The following MACF1 variants were observed in gnomAD, a reference collection of about 807,000 sequenced individuals.
The protein encoded by MACF1 is microtubule actin crosslinking factor 1, also known as microtubule-actin cross-linking factor 1.
In MACF1, 193 loss-of-function variants were observed where a neutral mutation model predicts 854.8. The observed-to-expected ratio is 0.23, with a 90% confidence interval of 0.20 to 0.25. The LOEUF is 0.25. Ranked by LOEUF, MACF1 falls within the 10% of genes least tolerant of loss-of-function variation. The probability of loss-of-function intolerance (pLI) is 1.00; values close to 1 mark genes in which losing one functional copy is unlikely to be tolerated. For synonymous variants in MACF1, 3,185 were observed against 3,226.7 expected (o/e 0.99, Z 0.44); for missense variants, 7,722 against 8,929.1 (o/e 0.86, Z 5.45).
At chr1:39,286,010 A>T (rs548716891) in intron 14 of MACF1, among the ~76,000 whole-genome samples, 8 of 152,140 alleles carry the variant, frequency 5.3e-5, no homozygotes, top group Non-Finnish European at 7.4e-5. Flanking sequence ...AACATCCCAC[A>T]TACTTTATTT....
rs1646257094 is a variant in MACF1, at chr1:39,309,510, G to T, written c.2790-60G>T. On this transcript the variant is annotated intron_variant, in intron 23 of 100. Coordinates refer to ENST00000564288, the MANE Select transcript of MACF1 (RefSeq NM_001394062.1). Reference sequence around the variant, plus strand: ...AGGCAATCACATTTTTCCTTAGAAGGTCTCTAATGTGGAGCTGAAGTCTTA... The same window carrying T: ...AGGCAATCACATTTTTCCTTAGAAGTTCTCTAATGTGGAGCTGAAGTCTTA... 8.8e-6 allele frequency: 14 copies of T among 1,594,972 alleles called. No individual in the cohort carries two copies. The South Asian group carries it at 1.4e-4, about 15-fold the overall frequency.
intron 2 of MACF1, among the ~76,000 whole-genome samples, chr1:39,235,815 G>T (rs897190713): frequency 6.6e-6 from 1 of 152,140 alleles, no homozygotes; most frequent in African/African-American, 2.4e-5. Flanking sequence ...GCTCACTACA[G>T]CCTCCAACTC....
intron 58 of MACF1, chr1:39,413,234 C>G: frequency 1.2e-6 from 2 of 1,612,996 alleles, no homozygotes; most frequent in Non-Finnish European, 1.7e-6. Flanking sequence ...CCTGATACTG[C>G]AGCTGTCAGA....
At chr1:39,357,951 G>C (rs2148512823) in intron 45 of MACF1, 58 bp downstream of exon 45, 1 of 1,518,490 alleles carries the variant, frequency 6.6e-7, no homozygotes, top group East Asian at 2.3e-5. Context: ...TTCACACAAT[G>C]TAGGTAGTGT....
At chr1:39,298,503 C>T (rs1043567668) in intron 21 of MACF1, among the ~76,000 whole-genome samples, 2 of 152,308 alleles carry the variant, frequency 1.3e-5, no homozygotes, top group Non-Finnish European at 2.9e-5. Context: ...CAATAGGGAA[C>T]TTACTTTTCC....
intron 85 of MACF1, among the ~76,000 whole-genome samples, chr1:39,451,457 T>C: frequency 6.6e-6 from 1 of 152,216 alleles, no homozygotes; most frequent in South Asian, 2.1e-4. Context: ...TCTTCCTGTT[T>C]GTTTCTCTCA....
At position 39,323,981 on chromosome 1, in the gene MACF1, AG is replaced by A. The variant is rs367689283; in HGVS notation, c.4237-210del. ...AAACAGTGGTTTGTATTTTTCAGAAAGGTATTAAACCTAGGTATAATAAATT... is the reference window on the plus strand; with the variant it reads ...AAACAGTGGTTTGTATTTTTCAGAAAGTATTAAACCTAGGTATAATAAATT... On this transcript the variant is annotated intron_variant, in intron 33 of 100. Coordinates refer to ENST00000564288, the MANE Select transcript of MACF1 (RefSeq NM_001394062.1). Among the ~76,000 whole-genome samples the A allele has an allele frequency of 2.4e-4, 37 of 152,318 alleles. No homozygotes were observed. In the East Asian group the frequency reaches 4.4e-3, roughly 18 times the overall value.
chr1:39,285,491 A>G (rs1181450110), intron 13 of MACF1, 101 bp downstream of exon 13: 4 of 1,395,152 alleles, frequency 2.9e-6, no homozygotes, highest in Non-Finnish European at 4.0e-6. Flanking sequence ...ATCCAGATGT[A>G]TTATTTCCCT....
At chr1:39,229,345 G>A (rs1317344998) in intron 1 of MACF1, among the ~76,000 whole-genome samples, 1 of 152,128 alleles carries the variant, frequency 6.6e-6, no homozygotes. Flanking sequence ...CTTATTGAAT[G>A]GCTATAAACT....
intron 16 of MACF1, 88 bp downstream of exon 16, chr1:39,292,126 A>AG: frequency 6.8e-7 from 1 of 1,465,264 alleles, no homozygotes; most frequent in East Asian, 2.3e-5. Flanking sequence ...GTATTGAAGG[A>AG]GGAGGGTGCT....
chr1:39,465,761 T>C (rs1474340465), intron 95 of MACF1, among the ~76,000 whole-genome samples: 1 of 152,180 alleles, frequency 6.6e-6, no homozygotes, highest in African/African-American at 2.4e-5. Flanking sequence ...GGAAGGAAGT[T>C]GCATGAGTAA....
chr1:39,170,078 G>A (rs1643927796), intron 2 of MACF1, among the ~76,000 whole-genome samples: 1 of 150,984 alleles, frequency 6.6e-6, no homozygotes. Context: ...ACCGTGCCCA[G>A]CCTCTCCTTG....
intron 96 of MACF1, 58 bp from the exon 97 acceptor site, chr1:39,469,489 T>G: frequency 7.7e-7 from 1 of 1,300,838 alleles, no homozygotes; most frequent in Non-Finnish European, 1.1e-6. Flanking sequence ...CTTTCTTGAC[T>G]AGTTTCTGCG....
chr1:39,233,938 C>T (rs1211451780), intron 2 of MACF1, among the ~76,000 whole-genome samples: 4 of 145,134 alleles, frequency 2.8e-5, no homozygotes, highest in African/African-American at 1.0e-4. Context: ...ACCCTGCGGC[C>T]TTCCGCAGTG....
At chr1:39,414,537 G>T in intron 58 of MACF1, 1 of 1,598,466 alleles carries the variant, frequency 6.3e-7, no homozygotes, top group South Asian at 1.1e-5. Context: ...TTGCAGGGCT[G>T]ACCTGGTGGT....
chr1:39,440,749 G>T (rs1317259018), intron 72 of MACF1, among the ~76,000 whole-genome samples: 2 of 152,058 alleles, frequency 1.3e-5, no homozygotes, highest in African/African-American at 2.4e-5. Context: ...AGGAAGGGGT[G>T]AACCTTTGGT....
chr1:39,391,679 A>G (rs1477039058), intron 58 of MACF1, among the ~76,000 whole-genome samples: 1 of 152,204 alleles, frequency 6.6e-6, no homozygotes, highest in African/African-American at 2.4e-5. Context: ...CTTTTCATTT[A>G]ATCCTTGGTT....
At chr1:39,100,915 C>T (rs114333084) in intron 2 of MACF1, among the ~76,000 whole-genome samples, 24,597 of 151,242 alleles carry the variant, frequency 0.16, 2,474 homozygotes, top group Middle Eastern at 0.24. Context: ...TGCACGCGCG[C>T]GTGTGTGTGT....
chr1:39,355,180 A>G (rs757684310), intron 44 of MACF1, among the ~76,000 whole-genome samples: 4 of 152,314 alleles, frequency 2.6e-5, no homozygotes, highest in Admixed American at 1.3e-4. Flanking sequence ...TCGAAGGTCC[A>G]TTATACTGTG....
Sources: allele counts gnomAD v4.1 joint callset (sites outside exome capture counted in the v4.1 genomes callset), GRCh38; gene constraint gnomAD v4.1.1; transcripts MANE v1.5; gene names NCBI Gene and HGNC (gene_info 2026-07-23, HGNC 2026-07-21).